The following EFL1 variants were observed in gnomAD, a reference collection of about 807,000 sequenced individuals.
EFL1 encodes elongation factor-like GTPase 1.
Under a neutral mutation model 126.7 loss-of-function variants are expected in EFL1, and 76 were observed. That is an observed-to-expected ratio of 0.60 (90% CI 0.50 to 0.73). The LOEUF (loss-of-function observed/expected upper bound fraction) is 0.73, where lower values mean the gene tolerates loss of function less well. EFL1 is among the 30% of genes least tolerant of loss of function. The pLI is 0.00. For synonymous variants in EFL1, 410 were observed against 448.4 expected, an observed-to-expected ratio of 0.91 and a Z score of 1.08; for missense variants, 1,128 against 1,343.2, an observed-to-expected ratio of 0.84 and a Z score of 2.50.
At position 82,188,981 on chromosome 15, in the gene EFL1, C is replaced by T. The variant is rs114476083; in HGVS notation, c.1751-24997G>A. Among the ~76,000 whole-genome samples the T allele has an allele frequency of 2.3e-3, 335 of 144,730 alleles. 3 individuals carry two copies. The highest frequency in any genetic ancestry group is 8.2e-3 in the African/African-American group (320 of 38,810). 94.9% of individuals were successfully genotyped at this position (144,730 alleles called of 152,430 possible). A position where few individuals can be genotyped will look rare whatever the true frequency, so the allele number is the denominator to read the frequency against. ...ACAAATACAGTCATGCATCGCTTAA[C>T]AACAGGAACACATTCTGAGAAATGC... On this transcript the variant is annotated intron_variant, in intron 15 of 19. Transcript: ENST00000268206.
At chr15:82,196,178 G>T (rs1480870302) in intron 15 of EFL1, among the ~76,000 whole-genome samples, 1 of 152,148 alleles carries the variant, frequency 6.6e-6, no homozygotes, top group Non-Finnish European at 1.5e-5. Context: ...CAGAACTGAC[G>T]AATCCTCACT....
intron 15 of EFL1, among the ~76,000 whole-genome samples, chr15:82,178,816 T>C (rs2074220025): frequency 6.6e-6 from 1 of 152,128 alleles, no homozygotes; most frequent in Non-Finnish European, 1.5e-5. Context: ...AAGCTAATCC[T>C]TGGTACTTAA....
chr15:82,224,768 G>A (rs1257633290), intron 12 of EFL1, among the ~76,000 whole-genome samples: 1 of 152,148 alleles, frequency 6.6e-6, no homozygotes, highest in Non-Finnish European at 1.5e-5. Context: ...TATCACACCT[G>A]TGCACACATA....
In EFL1 at chr15:82,262,708, C is replaced by G. The variant is rs1230102344; in HGVS notation, c.-114G>C. ...CCGAGAGCTCTGCGGGTCCGACACGCCCGCGCGCCAGGGGGCGGGGCCGGC... is the reference window on the plus strand; with the variant it reads ...CCGAGAGCTCTGCGGGTCCGACACGGCCGCGCGCCAGGGGGCGGGGCCGGC... On this transcript the variant is annotated 5_prime_UTR_variant, in exon 1 of 20. Transcript: ENST00000268206. The G allele has an allele frequency of 1.4e-6, 1 of 736,010 alleles. No individual in the cohort carries two copies. Among genetic ancestry groups the G allele is most frequent in the Admixed American group, 3.3e-5 (1 of 30,302 alleles). 45.6% of individuals were successfully genotyped at this position (736,010 alleles called of 1,614,324 possible).
intron 11 of EFL1, among the ~76,000 whole-genome samples, chr15:82,225,552 G>A (rs1365274368): frequency 6.6e-6 from 1 of 152,152 alleles, no homozygotes; most frequent in Non-Finnish European, 1.5e-5. Flanking sequence ...TATGCAATGA[G>A]GTTAACCACC....
At chr15:82,252,552 A>C in intron 4 of EFL1, 139 bp downstream of exon 4, 1 of 695,772 alleles carries the variant, frequency 1.4e-6, no homozygotes, top group Non-Finnish European at 2.5e-6. Context: ...CCTGACTCTG[A>C]CAACAGATCA....
intron 15 of EFL1, among the ~76,000 whole-genome samples, chr15:82,176,651 T>G (rs1451099730): frequency 6.6e-6 from 1 of 152,134 alleles, no homozygotes; most frequent in Non-Finnish European, 1.5e-5. Context: ...ATGACTCGAA[T>G]GAAAGCAAAA....
chr15:82,201,985 G>T (rs1281478924), intron 15 of EFL1, among the ~76,000 whole-genome samples: 2 of 151,368 alleles, frequency 1.3e-5, no homozygotes, highest in Non-Finnish European at 2.9e-5. Context: ...TCTGGAGTGG[G>T]GCTCCAACAT....
chr15:82,240,688 G>A, intron 5 of EFL1, 133 bp from the exon 6 acceptor site: 8 of 982,932 alleles, frequency 8.1e-6, no homozygotes, highest in Non-Finnish European at 8.9e-6. Context: ...CACAAACTAT[G>A]TATACAGCGG....
intron 2 of EFL1, among the ~76,000 whole-genome samples, chr15:82,260,732 G>A (rs938679212): frequency 1.3e-5 from 2 of 152,170 alleles, no homozygotes; most frequent in African/African-American, 4.8e-5. Flanking sequence ...TCTGAACTTA[G>A]GTTGTCTAAC....
chr15:82,240,477 C>A lies in EFL1; in HGVS notation c.457G>T (p.Val153Leu). 1 of 1,613,876 alleles carries A rather than the reference C, an allele frequency of 6.2e-7. No individual in the cohort carries two copies. Among genetic ancestry groups the A allele is most frequent in the Non-Finnish European group, 8.5e-7 (1 of 1,179,910 alleles). Residue 153 changes from valine (V) to leucine (L), a missense_variant, in exon 6 of 20, where the codon GTG becomes TTG. Physicochemically the swap from Val to Leu is conservative, Grantham distance 32 (BLOSUM62 1). This residue lies in a region of EFL1 where 316 missense variants were observed against 318.5 expected (regional missense o/e 0.99). Transcript: ENST00000268206. The part of the protein sequence containing the change: ...LVINKIDRLI[V>L]ELKFTPQEAY... Reference sequence around the variant, plus strand: ...TCTTGTGGGGTGAATTTCAGTTCCACTATCAAGCGATCAATCTTATTAATC... The same window carrying A: ...TCTTGTGGGGTGAATTTCAGTTCCAATATCAAGCGATCAATCTTATTAATC...
intron 15 of EFL1, among the ~76,000 whole-genome samples, chr15:82,189,892 G>T (rs1187356990): frequency 6.6e-6 from 1 of 152,098 alleles, no homozygotes; most frequent in African/African-American, 2.4e-5. Context: ...GAGGTGGGCA[G>T]ATCACCTGTG....
chr15:82,190,917 T>C (rs2074352713), intron 15 of EFL1, among the ~76,000 whole-genome samples: 1 of 152,096 alleles, frequency 6.6e-6, no homozygotes, highest in Non-Finnish European at 1.5e-5. Context: ...AGATCACAAG[T>C]ACAGCCTCAA....
intron 4 of EFL1, among the ~76,000 whole-genome samples, chr15:82,245,722 C>T (rs2074966389): frequency 6.6e-6 from 1 of 151,894 alleles, no homozygotes; most frequent in South Asian, 2.1e-4. Flanking sequence ...AGGAAGATCA[C>T]TTGAGCCAAG....
intron 3 of EFL1, among the ~76,000 whole-genome samples, chr15:82,253,628 GA>G (rs2075043119): frequency 6.6e-6 from 1 of 152,124 alleles, no homozygotes; most frequent in African/African-American, 2.4e-5. Flanking sequence ...AGCAGAGACT[GA>G]AACAGAAGTC....
intron 4 of EFL1, among the ~76,000 whole-genome samples, chr15:82,248,226 CA>C (rs1006770345): frequency 2.0e-5 from 3 of 152,048 alleles, no homozygotes; most frequent in African/African-American, 4.8e-5. Context: ...GAATACTTCA[CA>C]AAGTAAAGCA....
intron 4 of EFL1, among the ~76,000 whole-genome samples, chr15:82,249,736 A>T (rs553033305): frequency 3.9e-5 from 6 of 152,226 alleles, no homozygotes; most frequent in African/African-American, 1.4e-4. Flanking sequence ...TGATCCCAAT[A>T]TTTGTAGCAA....
chr15:82,224,879 A>C (rs1347021882), intron 12 of EFL1, among the ~76,000 whole-genome samples: 2 of 152,230 alleles, frequency 1.3e-5, no homozygotes, highest in African/African-American at 2.4e-5. Context: ...CTTGCCTGAC[A>C]TGTTTAATAA....
At chr15:82,179,028 C>A (rs1263609383) in intron 15 of EFL1, among the ~76,000 whole-genome samples, 1 of 152,100 alleles carries the variant, frequency 6.6e-6, no homozygotes, top group African/African-American at 2.4e-5. Flanking sequence ...CCTGTAGTCC[C>A]AGCTACTTAG....
Sources: gnomAD v4.1 joint callset for allele counts (sites outside exome capture counted in the v4.1 genomes callset) on GRCh38, gnomAD v4.1.1 for gene constraint, gnomAD v4.1.1 regional missense constraint, MANE v1.5 for transcripts, NCBI Gene and HGNC (gene_info 2026-07-23, HGNC 2026-07-21) for gene names.